KIF13A: variants seen among roughly 807,000 people sequenced by gnomAD.
KIF13A encodes kinesin-like protein KIF13A.
Under a neutral mutation model 212.2 loss-of-function variants are expected in KIF13A, and 79 were observed. The observed-to-expected ratio is 0.37, with a 90% CI of 0.31 to 0.45. The LOEUF (loss-of-function observed/expected upper bound fraction) is 0.45, where lower values mean the gene tolerates loss of function less well. KIF13A is among the 20% of genes least tolerant of loss of function. The pLI is 1.00. For missense variants in KIF13A, 1,901 were observed against 2,209.0 expected (o/e 0.86, Z 2.79); for synonymous variants, 789 against 808.6 (o/e 0.98, Z 0.41).
At position 17,763,974 on chromosome 6, in the gene KIF13A, C is replaced by T. The variant is rs764420027; in HGVS notation, c.*136G>A. 2.6e-5 allele frequency: 37 copies of T among 1,445,582 alleles called. No homozygotes were observed. The highest frequency in any genetic ancestry group is 1.4e-4 in the Admixed American group (5 of 35,000). The allele number at this position is 1,445,582 out of a possible 1,614,324, so 89.5% of individuals were successfully genotyped here. ...TAGTTCCCAAAACAGACTTGCTCTC[C>T]GACAGAGACAGCTGTGCAGGAAGTG... On this transcript the variant is annotated 3_prime_UTR_variant, in exon 39 of 39. Transcript: ENST00000259711.
In KIF13A at chr6:17,776,158, G is replaced by A. The variant is rs538332194; in HGVS notation, c.4171-1096C>T. On this transcript the variant is annotated intron_variant, in intron 34 of 38. Transcript: ENST00000259711. This position sits in a 1 kb window ranked among gnomAD's most constrained non-coding sequence, Gnocchi z 4.6. ...CTCCCAAAGTGCTGGGATTATAAGCGTGAGCCACCGTGCCCGATCTTCTTT... is the reference window on the plus strand; with the variant it reads ...CTCCCAAAGTGCTGGGATTATAAGCATGAGCCACCGTGCCCGATCTTCTTT... Among the ~76,000 whole-genome samples the A allele has an allele frequency of 1.1e-3, 172 of 152,208 alleles. No homozygotes were observed. The highest frequency in any genetic ancestry group is 3.9e-3 in the African/African-American group (164 of 41,536).
At chr6:17,806,335 G>C (rs56732027) in intron 18 of KIF13A, among the ~76,000 whole-genome samples, 29,122 of 151,998 alleles carry the variant, frequency 0.19, 2,947 homozygotes, top group South Asian at 0.32. Flanking sequence ...TCTGTTTCAA[G>C]GTTTTGCTAT....
intron 25 of KIF13A, among the ~76,000 whole-genome samples, chr6:17,791,293 C>T (rs1450884861): frequency 2.6e-5 from 4 of 151,786 alleles, no homozygotes; most frequent in African/African-American, 9.7e-5. Flanking sequence ...GAAAATTGGC[C>T]TAAGCATTCA....
At chr6:17,969,434 A>G (rs1369534186) in intron 2 of KIF13A, among the ~76,000 whole-genome samples, 1 of 152,232 alleles carries the variant, frequency 6.6e-6, no homozygotes, top group African/African-American at 2.4e-5. Flanking sequence ...TAAAGTTACT[A>G]GGCTTTAGTT....
chr6:17,893,486 T>C (rs1372093692), intron 3 of KIF13A, among the ~76,000 whole-genome samples: 1 of 152,218 alleles, frequency 6.6e-6, no homozygotes, highest in Non-Finnish European at 1.5e-5. Context: ...TGTTTGCAGA[T>C]TTCTTAAGGT....
At position 17,789,455 on chromosome 6, in the gene KIF13A, A is replaced by C. The variant is rs1761345631; in HGVS notation, c.3261+417T>G. Among the ~76,000 whole-genome samples the C allele has an allele frequency of 6.6e-6, 1 of 152,328 alleles. No homozygotes were observed. The highest frequency in any genetic ancestry group is 2.1e-4 in the South Asian group (1 of 4,822). On this transcript the variant is annotated intron_variant, in intron 26 of 38. Coordinates refer to ENST00000259711, the MANE Select transcript of KIF13A (RefSeq NM_022113.6). This position sits in a 1 kb window ranked among gnomAD's most constrained non-coding sequence, Gnocchi z 4.8. ...GAGCAGAATGCACTTTAGCATGGGA[A>C]AGATAAGAGTCTATCTAAAAGATTA...
rs527475446 is a variant in KIF13A, at chr6:17,808,727, C to G, written c.2163+41G>C. 1.0e-5 allele frequency: 16 copies of G among 1,559,138 alleles called. No individual in the cohort carries two copies. In the African/African-American group the frequency reaches 2.2e-4, roughly 21 times the overall value. The stretch of plus-strand genomic sequence containing the variant: ...TTTAGATCCTATTTTACAATATTTA[C>G]TATTGTGCATCTTGCCCTCTCACTT... On this transcript the variant is annotated intron_variant, in intron 18 of 38. Transcript: ENST00000259711.
chr6:17,902,960 A>T (rs746995042), intron 2 of KIF13A, among the ~76,000 whole-genome samples: 1 of 152,218 alleles, frequency 6.6e-6, no homozygotes, highest in Non-Finnish European at 1.5e-5. Flanking sequence ...GTGAGGATTT[A>T]CTTAAATCAC....
chr6:17,881,734 G>C (rs148896068), intron 3 of KIF13A: 1 of 332,698 alleles, frequency 3.0e-6, no homozygotes, highest in African/African-American at 2.2e-5. Context: ...CAGGGCTCAC[G>C]GCTGTAACCC....
In KIF13A at chr6:17,809,591, T is replaced by G. The variant is rs1763257913; in HGVS notation, c.2001-661A>C. On this transcript the variant is annotated intron_variant, in intron 17 of 38. Transcript: ENST00000259711. The surrounding 1 kb of genome is among the most constrained non-coding windows in gnomAD (Gnocchi z 4.7). Reference sequence around the variant, plus strand: ...ATCTGTCTCCTACTAGGCTGTTAGGTTGCCCCAAGGCAGGGACCATGTCTT... The same window carrying G: ...ATCTGTCTCCTACTAGGCTGTTAGGGTGCCCCAAGGCAGGGACCATGTCTT... Among the ~76,000 whole-genome samples, 1 of 152,204 alleles carries G rather than the reference T, an allele frequency of 6.6e-6. No homozygotes were observed. Among genetic ancestry groups the G allele is most frequent in the Non-Finnish European group, 1.5e-5 (1 of 68,046 alleles).
Position 17,777,418 on chromosome 6 carries a change from C to G in KIF13A, c.4093-64G>C. 1 of 1,350,988 alleles carries G rather than the reference C, an allele frequency of 7.4e-7. No homozygotes were observed. Among genetic ancestry groups the G allele is most frequent in the South Asian group, 1.2e-5 (1 of 80,146 alleles). The allele number at this position is 1,350,988 out of a possible 1,614,324, so 83.7% of individuals were successfully genotyped here. A position where few individuals can be genotyped will look rare whatever the true frequency, so the allele number is the denominator to read the frequency against. On this transcript the variant is annotated intron_variant, in intron 33 of 38. Transcript: ENST00000259711. This position sits in a 1 kb window ranked among gnomAD's most constrained non-coding sequence, Gnocchi z 4.4. Reference sequence around the variant, plus strand: ...TTTTCCCCAGAGACAGAGTCTCACTCTGTTGCCCAGGCTGGAGTGTAGTGA... The same window carrying G: ...TTTTCCCCAGAGACAGAGTCTCACTGTGTTGCCCAGGCTGGAGTGTAGTGA...
intron 4 of KIF13A, among the ~76,000 whole-genome samples, chr6:17,860,620 T>C (rs1202631896): frequency 6.6e-6 from 1 of 151,994 alleles, no homozygotes; most frequent in Non-Finnish European, 1.5e-5. Flanking sequence ...ACTGCTGTTT[T>C]CAGAAAAATG....
chr6:17,969,448 A>T (rs570984640), intron 2 of KIF13A, among the ~76,000 whole-genome samples: 1 of 152,348 alleles, frequency 6.6e-6, no homozygotes, highest in East Asian at 1.9e-4. Flanking sequence ...TTTAGTTAGC[A>T]TAGGGGATTC....
At chr6:17,792,479 A>G (rs1162934675) in intron 25 of KIF13A, among the ~76,000 whole-genome samples, 1 of 152,186 alleles carries the variant, frequency 6.6e-6, no homozygotes, top group Non-Finnish European at 1.5e-5. Context: ...GCTCAACTAG[A>G]CTTAAGAACC....
chr6:17,932,316 T>G (rs1411942445), intron 2 of KIF13A, among the ~76,000 whole-genome samples: 1 of 152,204 alleles, frequency 6.6e-6, no homozygotes, highest in Non-Finnish European at 1.5e-5. Flanking sequence ...GCCTTGTACA[T>G]CGGTGAACAA....
In KIF13A at chr6:17,855,428, C is replaced by CTAACT. The variant is rs746306772; in HGVS notation, c.494+4_494+8dup. On this transcript the variant is annotated intron_variant, in intron 6 of 38. Coordinates refer to ENST00000259711, the MANE Select transcript of KIF13A (RefSeq NM_022113.6). The surrounding 1 kb of genome is among the most constrained non-coding windows in gnomAD (Gnocchi z 4.1). Reference sequence around the variant, plus strand: ...CTATTAACACACTTAATCTTGACCACTAACTTACCCTTTGGGGTCTAAAAG... The same window carrying CTAACT: ...CTATTAACACACTTAATCTTGACCACTAACTTAACTTACCCTTTGGGGTCTAAAAG... 2.5e-6 allele frequency: 4 copies of CTAACT among 1,595,672 alleles called. No individual in the cohort carries two copies. Among genetic ancestry groups the CTAACT allele is most frequent in the Non-Finnish European group, 1.7e-6 (2 of 1,171,254 alleles).
rs76546420 is a variant in KIF13A, at chr6:17,886,833, A to C, written c.159+11335T>G. On this transcript the variant is annotated intron_variant, in intron 3 of 38. Transcript: ENST00000259711. This position sits in a 1 kb window ranked among gnomAD's most constrained non-coding sequence, Gnocchi z 5.6. ...AACAACAACAACCACAACTACTAACAACCACCACCACCACCCTATGTTTCT... is the reference window on the plus strand; with the variant it reads ...AACAACAACAACCACAACTACTAACCACCACCACCACCACCCTATGTTTCT... Among the ~76,000 whole-genome samples, 8,622 of 151,904 alleles carry C rather than the reference A, an allele frequency of 0.057. 293 individuals carry two copies. Among genetic ancestry groups the C allele is most frequent in the Middle Eastern group, 0.085 (25 of 294 alleles).
chr6:17,805,919 ACGATTTTTTTTTTTTTT>A (rs2150340477), intron 18 of KIF13A, among the ~76,000 whole-genome samples: 1 of 95,210 alleles, frequency 1.1e-5, no homozygotes, highest in Non-Finnish European at 1.9e-5. Flanking sequence ...CTTCATAAGC[ACGATTTTTTTTTTTTTT>A]TGAGATAGGA....
In KIF13A at chr6:17,839,595, G is replaced by C. The variant is rs754545041; in HGVS notation, c.831-2012C>G. On this transcript the variant is annotated intron_variant, in intron 9 of 38. Coordinates refer to ENST00000259711, the MANE Select transcript of KIF13A (RefSeq NM_022113.6). This position sits in a 1 kb window ranked among gnomAD's most constrained non-coding sequence, Gnocchi z 4.3. ...GGTTGAACAGTATTCATGTCCGCCA[G>C]ACCCTCAGAATGTGACCCTATTTGG... Among the ~76,000 whole-genome samples the C allele has an allele frequency of 6.6e-5, 10 of 152,168 alleles. No individual in the cohort carries two copies. Among genetic ancestry groups the C allele is most frequent in the Non-Finnish European group, 8.8e-5 (6 of 68,040 alleles).
Sources: allele counts gnomAD v4.1 joint callset (sites outside exome capture counted in the v4.1 genomes callset), GRCh38; gene constraint gnomAD v4.1.1; non-coding constraint Gnocchi (gnomAD v3.1); transcripts MANE v1.5; gene names NCBI Gene and HGNC (gene_info 2026-07-23, HGNC 2026-07-21).